CAMK2A: variants seen among roughly 807,000 people sequenced by gnomAD.
CAMK2A encodes the protein calcium/calmodulin dependent protein kinase II alpha, also known as calcium/calmodulin-dependent protein kinase type II subunit alpha.
In CAMK2A, 7 loss-of-function variants were observed where a neutral mutation model predicts 79.2. The ratio of observed to expected loss-of-function variants is 0.09; its 90% CI spans 0.05 to 0.17. The LOEUF (loss-of-function observed/expected upper bound fraction) is 0.17, where lower values mean the gene tolerates loss of function less well. Among genes scored for constraint, CAMK2A ranks in the 10% least tolerant of loss-of-function variants. The pLI, the probability that CAMK2A is intolerant of heterozygous loss-of-function variation, is 1.00. For missense variants in CAMK2A, 214 were observed against 646.4 expected (o/e 0.33, Z 7.25); for synonymous variants, 242 against 251.7 (o/e 0.96, Z 0.36).
In CAMK2A at chr5:150,256,213, G is replaced by A. The variant is rs1303417651; in HGVS notation, c.411+360C>T. ...CCATTGTGAAGAATCTGAGGCTCAGGAAGGTCATGCTACTAAAGGCTGCAT... is the reference window on the plus strand; with the variant it reads ...CCATTGTGAAGAATCTGAGGCTCAGAAAGGTCATGCTACTAAAGGCTGCAT... On this transcript the variant is annotated intron_variant, in intron 6 of 18. Coordinates refer to ENST00000671881, the MANE Select transcript of CAMK2A (RefSeq NM_015981.4). The surrounding 1 kb of genome is among the most constrained non-coding windows in gnomAD (Gnocchi z 4.6). 6.6e-6 allele frequency among the ~76,000 whole-genome samples: 1 copy of A among 152,202 alleles called. No individual in the cohort carries two copies. The highest frequency in any genetic ancestry group is 2.4e-5 in the African/African-American group (1 of 41,440).
At chr5:150,265,282 C>T (rs759443571) in intron 2 of CAMK2A, 5 of 452,114 alleles carry the variant, frequency 1.1e-5, no homozygotes, top group South Asian at 4.3e-5. Flanking sequence ...GAGGCTTCTC[C>T]GAGACTCCTC....
Position 150,273,068 on chromosome 5 carries a change from T to C in CAMK2A, c.154A>G (p.Arg52Gly). 1 of 1,613,348 alleles carries C rather than the reference T, an allele frequency of 6.2e-7. No individual in the cohort carries two copies. Among genetic ancestry groups the C allele is most frequent in the Non-Finnish European group, 8.5e-7 (1 of 1,179,584 alleles). The part of the protein sequence containing the change: ...KIINTKKLSA[R>G]DHQKLEREAR... The stretch of plus-strand genomic sequence containing the variant: ...AGGGTAGAAATCAGGCACCTACCTC[T>C]GGCTGACAGCTTCTTTGTGTTGATG... Residue 52 changes from arginine (R) to glycine (G), a missense_variant, in exon 2 of 19, where the codon AGA becomes GGA. Transcript: ENST00000671881.
At chr5:150,253,676 C>T in intron 6 of CAMK2A, 130 bp from the exon 7 acceptor site, 1 of 712,120 alleles carries the variant, frequency 1.4e-6, no homozygotes, top group South Asian at 1.7e-5. Context: ...CCCCTGCTTT[C>T]ATCTCCAGCC....
At chr5:150,227,605 A>C (rs1754661560) in intron 17 of CAMK2A, among the ~76,000 whole-genome samples, 1 of 152,148 alleles carries the variant, frequency 6.6e-6, no homozygotes, top group South Asian at 2.1e-4. Context: ...CAACCCCCTG[A>C]AGCTCCTGGT....
In CAMK2A at chr5:150,266,865, G is replaced by A. The variant is rs1053496718; in HGVS notation, c.158-1850C>T. On this transcript the variant is annotated intron_variant, in intron 2 of 18. Coordinates refer to ENST00000671881, the MANE Select transcript of CAMK2A (RefSeq NM_015981.4). ...CCCTCTCAGAGTAGGCAGGTATGCGGGTGGGGGGGTGGTGAGAATGAAGAA... is the reference window on the plus strand; with the variant it reads ...CCCTCTCAGAGTAGGCAGGTATGCGAGTGGGGGGGTGGTGAGAATGAAGAA... Among the ~76,000 whole-genome samples the A allele has an allele frequency of 2.0e-5, 3 of 152,148 alleles. No individual in the cohort carries two copies. The East Asian group carries it at 5.8e-4, about 29-fold the overall frequency.
At chr5:150,257,648 T>C in intron 3 of CAMK2A, 31 bp from the exon 4 acceptor site, 2 of 1,537,430 alleles carry the variant, frequency 1.3e-6, no homozygotes, top group Non-Finnish European at 1.8e-6. Flanking sequence ...TTGGTTACAG[T>C]GGGACACACT....
Position 150,270,377 on chromosome 5 carries a change from C to T in CAMK2A, c.157+2688G>A, listed in dbSNP as rs555347278. On this transcript the variant is annotated intron_variant, in intron 2 of 18. Coordinates refer to ENST00000671881, the MANE Select transcript of CAMK2A (RefSeq NM_015981.4). ...TGGTTTCTTTGAATTGTTTATACTA[C>T]GAACATTTTTTAAAAGACTAGATTA... Among the ~76,000 whole-genome samples the T allele has an allele frequency of 3.9e-5, 6 of 152,270 alleles. No individual in the cohort carries two copies. In the East Asian group the frequency reaches 5.8e-4, roughly 15 times the overall value.
Position 150,256,047 on chromosome 5 carries a change from C to T in CAMK2A, c.411+526G>A, listed in dbSNP as rs1201898922. Among the ~76,000 whole-genome samples, 2 of 152,160 alleles carry T rather than the reference C, an allele frequency of 1.3e-5. No individual in the cohort carries two copies. The highest frequency in any genetic ancestry group is 2.4e-5 in the African/African-American group (1 of 41,434). ...TCAGGTAAAAGAAAGGAGAACTGCA[C>T]GGGCCTAGAGTCTGGTTTTTCTTCT... On this transcript the variant is annotated intron_variant, in intron 6 of 18. Coordinates refer to ENST00000671881, the MANE Select transcript of CAMK2A (RefSeq NM_015981.4). This position sits in a 1 kb window ranked among gnomAD's most constrained non-coding sequence, Gnocchi z 4.6.
chr5:150,276,580 G>C (rs1479654972), intron 1 of CAMK2A, among the ~76,000 whole-genome samples: 1 of 152,172 alleles, frequency 6.6e-6, no homozygotes, highest in Non-Finnish European at 1.5e-5. Flanking sequence ...TCCCCCTCTA[G>C]CTGGGGGCCA....
intron 1 of CAMK2A, among the ~76,000 whole-genome samples, chr5:150,276,043 C>G (rs151080198): frequency 6.9e-4 from 105 of 152,272 alleles, no homozygotes; most frequent in African/African-American, 2.5e-3. Flanking sequence ...AAAAGATGTT[C>G]TCATCACCCA....
intron 1 of CAMK2A, among the ~76,000 whole-genome samples, chr5:150,280,110 G>A (rs1757145769): frequency 6.6e-6 from 1 of 152,158 alleles, no homozygotes; most frequent in Non-Finnish European, 1.5e-5. Flanking sequence ...CCCTTCTGGG[G>A]CTATTTGTGA....
chr5:150,254,921 T>G (rs1005292050), intron 6 of CAMK2A, among the ~76,000 whole-genome samples: 8 of 152,186 alleles, frequency 5.3e-5, no homozygotes, highest in African/African-American at 1.9e-4. Context: ...TGAAGACTGT[T>G]GGTTTTGAGT....
intron 1 of CAMK2A, among the ~76,000 whole-genome samples, chr5:150,276,102 G>A (rs1416951037): frequency 6.6e-6 from 1 of 152,172 alleles, no homozygotes; most frequent in Non-Finnish European, 1.5e-5. Context: ...TGGGTTCTAA[G>A]ACCAAATATT....
chr5:150,259,993 A>T (rs981659431), intron 3 of CAMK2A, among the ~76,000 whole-genome samples: 3 of 108,214 alleles, frequency 2.8e-5, no homozygotes, highest in African/African-American at 6.8e-5. Context: ...ATTAAAAATA[A>T]AAAAAATTCA....
intron 2 of CAMK2A, among the ~76,000 whole-genome samples, chr5:150,268,064 G>A (rs766333606): frequency 2.6e-5 from 4 of 151,934 alleles, no homozygotes; most frequent in African/African-American, 9.7e-5. Context: ...TAGTAGAGAC[G>A]GGGTTCCACC....
At chr5:150,236,751 C>T (rs1006234941) in intron 15 of CAMK2A, among the ~76,000 whole-genome samples, 6 of 152,196 alleles carry the variant, frequency 3.9e-5, no homozygotes, top group Non-Finnish European at 7.3e-5. Context: ...CTGCCACATG[C>T]CCCTGGGGTC....
rs963625063 is a variant in CAMK2A at position 150,219,703 on chromosome 5, G to A, written c.*3007C>T. 1 of 151,674 alleles carries A rather than the reference G, an allele frequency of 6.6e-6. No homozygotes were observed. The highest frequency in any genetic ancestry group is 1.5e-5 in the Non-Finnish European group (1 of 67,872). The allele number at this position is 151,674 out of a possible 1,614,324, so 9.4% of individuals were successfully genotyped here. A position where few individuals can be genotyped will look rare whatever the true frequency, so the allele number is the denominator to read the frequency against. On this transcript the variant is annotated 3_prime_UTR_variant, in exon 19 of 19. Coordinates refer to ENST00000671881, the MANE Select transcript of CAMK2A (RefSeq NM_015981.4). ...AGTAACAAAGAAACCAGCACGGGGA[G>A]TCTGGCAAACTCATCCCCCAAAAGG...
chr5:150,287,308 T>C lies in CAMK2A; in HGVS notation c.62+2256A>G, dbSNP rs137945893. Among the ~76,000 whole-genome samples, 824 of 152,356 alleles carry C rather than the reference T, an allele frequency of 5.4e-3. 4 individuals carry two copies. Among genetic ancestry groups the C allele is most frequent in the African/African-American group, 0.018 (757 of 41,584 alleles). ...TGCAACATTTCGTAGGTTTGTGCGTTTTTCTGGGGAACGTAGATTTAGACT... is the reference window on the plus strand; with the variant it reads ...TGCAACATTTCGTAGGTTTGTGCGTCTTTCTGGGGAACGTAGATTTAGACT... On this transcript the variant is annotated intron_variant, in intron 1 of 18. Coordinates refer to ENST00000671881, the MANE Select transcript of CAMK2A (RefSeq NM_015981.4).
chr5:150,239,833 G>C (rs1311670871), intron 13 of CAMK2A, 97 bp from the exon 14 acceptor site: 5 of 1,014,598 alleles, frequency 4.9e-6, no homozygotes, highest in Non-Finnish European at 7.9e-6. Flanking sequence ...AGGAGGATGG[G>C]CCTCGGGGTC....
Sources: gnomAD v4.1 joint callset for allele counts (sites outside exome capture counted in the v4.1 genomes callset) on GRCh38, gnomAD v4.1.1 for gene constraint, Gnocchi (gnomAD v3.1) non-coding constraint, MANE v1.5 for transcripts, NCBI Gene and HGNC (gene_info 2026-07-23, HGNC 2026-07-21) for gene names.